The following CLYBL variants were observed in gnomAD, a reference collection of about 807,000 sequenced individuals.
The protein encoded by CLYBL is citramalyl-CoA lyase, mitochondrial.
CLYBL carries 31 observed loss-of-function variants against 38.9 expected under a neutral mutation model. That is an observed-to-expected ratio of 0.80 (90% CI 0.60 to 1.08). The LOEUF (loss-of-function observed/expected upper bound fraction) is 1.08. CLYBL is among the 50% of genes least tolerant of loss of function. CLYBL has a pLI of 0.00. For missense variants in CLYBL, 434 were observed against 411.6 expected (o/e 1.05, Z -0.47); for synonymous variants, 171 against 158.6 (o/e 1.08, Z -0.59).
chr13:99,609,270 G>A (rs1365356008), intron 1 of CLYBL, among the ~76,000 whole-genome samples: 7 of 143,784 alleles, frequency 4.9e-5, no homozygotes, highest in Admixed American at 1.5e-4. Context: ...TCTGACTCCC[G>A]GGTTCAAGCG....
At chr13:99,819,042 T>C (rs2050518801) in intron 2 of CLYBL, among the ~76,000 whole-genome samples, 1 of 152,094 alleles carries the variant, frequency 6.6e-6, no homozygotes, top group Non-Finnish European at 1.5e-5. Flanking sequence ...CAAGGTATAA[T>C]TTAAATTACA....
intron 1 of CLYBL, among the ~76,000 whole-genome samples, chr13:99,628,130 G>A (rs1447327136): frequency 6.6e-6 from 1 of 152,186 alleles, no homozygotes; most frequent in South Asian, 2.1e-4. Flanking sequence ...TTGTGAGCCT[G>A]TAGACAAAAC....
intron 1 of CLYBL, among the ~76,000 whole-genome samples, chr13:99,669,092 C>G (rs1220864854): frequency 6.6e-6 from 1 of 151,668 alleles, no homozygotes; most frequent in Admixed American, 6.6e-5. Flanking sequence ...ACCTCTGCCT[C>G]CCAGGTTCAA....
chr13:99,613,147 T>G (rs2046655591), intron 1 of CLYBL, among the ~76,000 whole-genome samples: 1 of 152,130 alleles, frequency 6.6e-6, no homozygotes, highest in Admixed American at 6.5e-5. Context: ...TTTTCATTTC[T>G]TATGTTGATA....
intron 1 of CLYBL, among the ~76,000 whole-genome samples, chr13:99,623,426 A>G (rs2046825333): frequency 6.6e-6 from 1 of 151,952 alleles, no homozygotes; most frequent in Non-Finnish European, 1.5e-5. Flanking sequence ...CCCATCTTGG[A>G]CTCCAAGGAG....
In CLYBL at chr13:99,777,496, C is replaced by CTTT. The variant is rs200830971; in HGVS notation, c.249+4497_249+4499dup. ...TTCTTTCTTCCTTTTCTTTTCTTTT[C>CTTT]TTTTTTTTTTTTTGAGACAGAGTTT... is the stretch of plus-strand genomic sequence containing the variant. On this transcript the variant is annotated intron_variant, in intron 2 of 8. Coordinates refer to ENST00000339105, the MANE Select transcript of CLYBL (RefSeq NM_206808.5). Among the ~76,000 whole-genome samples the CTTT allele has an allele frequency of 9.6e-4, 138 of 143,294 alleles. No homozygotes were observed. In the East Asian group the frequency reaches 0.014, roughly 14 times the overall value. 94.0% of individuals were successfully genotyped at this position (143,294 alleles called of 152,430 possible).
intron 1 of CLYBL, among the ~76,000 whole-genome samples, chr13:99,754,611 G>A (rs1412407964): frequency 6.6e-6 from 1 of 150,446 alleles, no homozygotes; most frequent in East Asian, 2.0e-4. Context: ...TGGAGACAAA[G>A]TCGCGTTCTG....
intron 1 of CLYBL, among the ~76,000 whole-genome samples, chr13:99,631,071 C>T (rs2046936879): frequency 6.6e-6 from 1 of 152,162 alleles, no homozygotes; most frequent in East Asian, 1.9e-4. Flanking sequence ...CCTGTAATCC[C>T]AGCACTTTGG....
chr13:99,722,408 G>A (rs1032932999), intron 1 of CLYBL, among the ~76,000 whole-genome samples: 28 of 149,088 alleles, frequency 1.9e-4, no homozygotes, highest in Non-Finnish European at 3.7e-4. Context: ...GCTGAGCTAC[G>A]CATGAAACCT....
At chr13:99,803,514 A>G (rs150099870) in intron 2 of CLYBL, among the ~76,000 whole-genome samples, 1 of 152,248 alleles carries the variant, frequency 6.6e-6, no homozygotes, top group African/African-American at 2.4e-5. Flanking sequence ...TGGAAAGCCT[A>G]TGGGCTTTGG....
At chr13:99,643,551 A>G (rs370288970) in intron 1 of CLYBL, among the ~76,000 whole-genome samples, 1 of 152,206 alleles carries the variant, frequency 6.6e-6, no homozygotes, top group African/African-American at 2.4e-5. Context: ...TATAATTTCA[A>G]TGTCCAGTGG....
chr13:99,895,612 G>C (rs1046383536), downstream of CLYBL: 4 of 152,210 alleles, frequency 2.6e-5, no homozygotes, highest in African/African-American at 7.2e-5. Flanking sequence ...CCCCGCGGGC[G>C]AGCCCGCGCT....
chr13:99,710,868 T>G (rs911683397), intron 1 of CLYBL, among the ~76,000 whole-genome samples: 2 of 151,060 alleles, frequency 1.3e-5, no homozygotes, highest in Non-Finnish European at 2.9e-5. Flanking sequence ...TGGCTTCTCT[T>G]AGTTTCTAAC....
chr13:99,698,211 G>A (rs555319870), intron 1 of CLYBL, among the ~76,000 whole-genome samples: 16 of 151,986 alleles, frequency 1.1e-4, no homozygotes, highest in Admixed American at 3.9e-4. Context: ...TTGAGGTGCC[G>A]TCTTATTCTG....
intron 2 of CLYBL, among the ~76,000 whole-genome samples, chr13:99,826,408 A>G (rs979530870): frequency 1.3e-5 from 2 of 152,210 alleles, no homozygotes; most frequent in Non-Finnish European, 2.9e-5. Context: ...TCATGAGCCA[A>G]TTACTTAAAA....
chr13:99,722,135 C>A (rs932360039), intron 1 of CLYBL, among the ~76,000 whole-genome samples: 8 of 152,204 alleles, frequency 5.3e-5, no homozygotes. Flanking sequence ...CTTCCTGTTT[C>A]TTTGGTGAGC....
At chr13:99,843,360 C>T (rs991750691) in intron 2 of CLYBL, among the ~76,000 whole-genome samples, 1 of 152,150 alleles carries the variant, frequency 6.6e-6, no homozygotes, top group Non-Finnish European at 1.5e-5. Flanking sequence ...TTGTCTCAGT[C>T]GCTACACCCC....
chr13:99,656,843 A>G (rs537889010), intron 1 of CLYBL, among the ~76,000 whole-genome samples: 39 of 152,320 alleles, frequency 2.6e-4, no homozygotes, highest in Admixed American at 1.0e-3. Flanking sequence ...TTCAAATGCA[A>G]AATGTCTTAT....
intron 1 of CLYBL, among the ~76,000 whole-genome samples, chr13:99,750,987 GA>G (rs2048946217): frequency 6.6e-6 from 1 of 152,132 alleles, no homozygotes; most frequent in South Asian, 2.1e-4. Flanking sequence ...ATTACCAGAT[GA>G]TCCAGCAGTC....
Sources: gnomAD v4.1 joint callset for allele counts (sites outside exome capture counted in the v4.1 genomes callset) on GRCh38, gnomAD v4.1.1 for gene constraint, MANE v1.5 for transcripts, NCBI Gene and HGNC (gene_info 2026-07-23, HGNC 2026-07-21) for gene names.